The following RBMS3 variants were observed in gnomAD, a reference collection of about 807,000 sequenced individuals.
RBMS3 encodes RNA-binding motif, single-stranded-interacting protein 3.
A neutral mutation model predicts 66.8 loss-of-function variants in RBMS3; 27 were observed. That is an observed-to-expected ratio of 0.40 (90% confidence interval 0.30 to 0.56). RBMS3 has a LOEUF of 0.56. Ranked by LOEUF, RBMS3 falls within the 20% of genes least tolerant of loss-of-function variation. The probability of loss-of-function intolerance (pLI) is 0.40; values close to 1 mark genes in which losing one functional copy is unlikely to be tolerated. For synonymous variants in RBMS3, 188 were observed against 183.0 expected, an observed-to-expected ratio of 1.03 and a Z score of -0.22; for missense variants, 513 against 549.5, an observed-to-expected ratio of 0.93 and a Z score of 0.66.
intron 12 of RBMS3, among the ~76,000 whole-genome samples, chr3:29,987,284 C>A (rs1450523719): frequency 6.6e-6 from 1 of 152,114 alleles, no homozygotes; most frequent in African/African-American, 2.4e-5. Flanking sequence ...AAATTCAATT[C>A]TTGAAGAGTA....
chr3:29,819,177 T>C (rs1002349541), intron 6 of RBMS3, among the ~76,000 whole-genome samples: 1 of 152,228 alleles, frequency 6.6e-6, no homozygotes, highest in Non-Finnish European at 1.5e-5. Context: ...AAGTAGTGTG[T>C]ATCCTGCCCT....
At chr3:29,645,116 C>T (rs187520172) in intron 4 of RBMS3, among the ~76,000 whole-genome samples, 14 of 152,220 alleles carry the variant, frequency 9.2e-5, no homozygotes, top group Middle Eastern at 3.4e-3. Flanking sequence ...TTTCTCAAGG[C>T]TATTTCTCAA....
At chr3:29,504,566 A>G (rs755802768) in intron 3 of RBMS3, among the ~76,000 whole-genome samples, 6 of 149,708 alleles carry the variant, frequency 4.0e-5, no homozygotes, top group African/African-American at 1.5e-4. Flanking sequence ...AAGTGCAGAT[A>G]TCTCTTTGGC....
At chr3:29,495,396 G>A (rs1320883982) in intron 3 of RBMS3, among the ~76,000 whole-genome samples, 3 of 150,356 alleles carry the variant, frequency 2.0e-5, no homozygotes, top group Non-Finnish European at 4.4e-5. Flanking sequence ...TTATACATGT[G>A]AGGGAAATAC....
At chr3:29,682,993 G>A (rs935743155) in intron 4 of RBMS3, among the ~76,000 whole-genome samples, 3 of 152,166 alleles carry the variant, frequency 2.0e-5, no homozygotes, top group Non-Finnish European at 4.4e-5. Context: ...GGATAATAAT[G>A]TCCAGTTCAA....
intron 1 of RBMS3, among the ~76,000 whole-genome samples, chr3:29,421,775 C>T (rs2040746302): frequency 6.6e-6 from 1 of 152,120 alleles, no homozygotes; most frequent in Non-Finnish European, 1.5e-5. Context: ...AACCTAATGT[C>T]CCATTAAAGA....
chr3:29,934,713 C>T (rs1414826270), intron 10 of RBMS3, among the ~76,000 whole-genome samples: 1 of 151,946 alleles, frequency 6.6e-6, no homozygotes, highest in Admixed American at 6.6e-5. Flanking sequence ...ACTGAAAAGC[C>T]TAAATGTCTT....
rs569929169 is a variant in RBMS3 at position 29,647,259 on chromosome 3, G to A, written c.399+60054G>A. Among the ~76,000 whole-genome samples, 5 of 152,306 alleles carry A rather than the reference G, an allele frequency of 3.3e-5. No individual in the cohort carries two copies. In the East Asian group the frequency reaches 7.7e-4, roughly 24 times the overall value. On this transcript the variant is annotated intron_variant, in intron 4 of 14. Coordinates refer to ENST00000383767, the MANE Select transcript of RBMS3 (RefSeq NM_001003793.3). ...CACCCAAAGTGCTGGGATTACAGAC[G>A]TGAGCCACCGTGCACGGCCTCTTTT...
At chr3:29,811,069 A>G (rs531591026) in intron 6 of RBMS3, among the ~76,000 whole-genome samples, 1 of 152,320 alleles carries the variant, frequency 6.6e-6, no homozygotes, top group Admixed American at 6.5e-5. Flanking sequence ...TTTTAAGTCT[A>G]AATTTAAGTC....
chr3:29,934,187 T>C (rs1458664500), intron 10 of RBMS3: 1 of 152,082 alleles, frequency 6.6e-6, no homozygotes, highest in Non-Finnish European at 1.5e-5. Context: ...ACAGTTTAGC[T>C]GCATGTTGGA....
At chr3:29,323,234 T>C (rs1319614676) in intron 1 of RBMS3, among the ~76,000 whole-genome samples, 2 of 152,208 alleles carry the variant, frequency 1.3e-5, no homozygotes, top group African/African-American at 2.4e-5. Context: ...ATTATTTTTA[T>C]GTTTTATATG....
chr3:29,613,421 A>G (rs1422169437), intron 4 of RBMS3, among the ~76,000 whole-genome samples: 3 of 152,098 alleles, frequency 2.0e-5, no homozygotes, highest in African/African-American at 7.2e-5. Context: ...TCATTTTGCA[A>G]TGGGTCACAC....
In RBMS3 at chr3:29,546,056, A is replaced by C. The variant is rs190117079; in HGVS notation, c.308-41058A>C. Reference sequence around the variant, plus strand: ...ACAAAAAAATCAGTAACTTTTTAAAAAGGCTTTATTTAGTGCTTTATATGT... The same window carrying C: ...ACAAAAAAATCAGTAACTTTTTAAACAGGCTTTATTTAGTGCTTTATATGT... On this transcript the variant is annotated intron_variant, in intron 3 of 14. Transcript: ENST00000383767. Among the ~76,000 whole-genome samples the C allele has an allele frequency of 8.5e-4, 129 of 151,860 alleles. 1 individual carries two copies. The highest frequency in any genetic ancestry group is 8.5e-3 in the Admixed American group (129 of 15,256).
At chr3:29,517,307 G>GTGTA (rs2044670738) in intron 3 of RBMS3, among the ~76,000 whole-genome samples, 1 of 104,752 alleles carries the variant, frequency 9.5e-6, no homozygotes, top group African/African-American at 3.8e-5. Context: ...GTGTGTGTGT[G>GTGTA]TATATATATA....
At chr3:29,490,149 T>A (rs2043484455) in intron 3 of RBMS3, among the ~76,000 whole-genome samples, 1 of 148,558 alleles carries the variant, frequency 6.7e-6, no homozygotes, top group Non-Finnish European at 1.5e-5. Context: ...ATTTAAAATT[T>A]AATTTAAAAT....
intron 4 of RBMS3, among the ~76,000 whole-genome samples, chr3:29,627,192 G>T (rs976473172): frequency 6.6e-6 from 1 of 152,066 alleles, no homozygotes; most frequent in Non-Finnish European, 1.5e-5. Context: ...TTAAAGTGCT[G>T]ACAAGGACAT....
At chr3:29,993,721 A>G (rs1699031789) in intron 14 of RBMS3, among the ~76,000 whole-genome samples, 1 of 152,158 alleles carries the variant, frequency 6.6e-6, no homozygotes, top group Non-Finnish European at 1.5e-5. Flanking sequence ...TTCTTCTTAG[A>G]TCTTGAGCCT....
chr3:29,563,595 T>A (rs977605993), intron 3 of RBMS3, among the ~76,000 whole-genome samples: 1 of 152,226 alleles, frequency 6.6e-6, no homozygotes, highest in African/African-American at 2.4e-5. Context: ...ATTTTTCACC[T>A]ATTTATTCAA....
intron 3 of RBMS3, among the ~76,000 whole-genome samples, chr3:29,525,387 G>C (rs1056854088): frequency 2.0e-5 from 3 of 152,188 alleles, no homozygotes; most frequent in Non-Finnish European, 4.4e-5. Flanking sequence ...AAAATCCAGA[G>C]AGGCATTCCT....
Sources: allele counts gnomAD v4.1 joint callset (sites outside exome capture counted in the v4.1 genomes callset), GRCh38; gene constraint gnomAD v4.1.1; transcripts MANE v1.5; gene names NCBI Gene and HGNC (gene_info 2026-07-23, HGNC 2026-07-21).